The following POU6F2 variants were observed in gnomAD, a reference collection of about 807,000 sequenced individuals.
POU6F2 encodes POU class 6 homeobox 2.
POU6F2 carries 31 observed loss-of-function variants against 71.3 expected under a neutral mutation model. That is an observed-to-expected ratio of 0.43 (90% CI 0.33 to 0.59). The LOEUF is 0.59. Among genes scored for constraint, POU6F2 ranks in the 20% least tolerant of loss-of-function variants. POU6F2 has a pLI of 0.04. For missense variants in POU6F2, 783 were observed against 856.8 expected (o/e 0.91, Z 1.07); for synonymous variants, 347 against 355.7 (o/e 0.98, Z 0.27).
chr7:39,155,414 G>A (rs1792849555), intron 2 of POU6F2, among the ~76,000 whole-genome samples: 1 of 152,086 alleles, frequency 6.6e-6, no homozygotes, highest in Non-Finnish European at 1.5e-5. Context: ...CCAAACTTGT[G>A]TGAAAATTGT....
intron 1 of POU6F2, among the ~76,000 whole-genome samples, chr7:39,023,134 A>G (rs949092435): frequency 6.6e-6 from 1 of 152,044 alleles, no homozygotes; most frequent in Non-Finnish European, 1.5e-5. Context: ...GATACTTTGT[A>G]TATCTGTGTT....
intron 2 of POU6F2, among the ~76,000 whole-genome samples, chr7:39,118,392 A>G (rs961691489): frequency 2.0e-5 from 3 of 152,174 alleles, no homozygotes; most frequent in Non-Finnish European, 4.4e-5. Flanking sequence ...GAAGCAATGT[A>G]TACAGCAACA....
chr7:39,365,974 C>A (rs1439563381), intron 5 of POU6F2, among the ~76,000 whole-genome samples: 2 of 152,138 alleles, frequency 1.3e-5, no homozygotes, highest in Admixed American at 1.3e-4. Context: ...AGGCACAGAG[C>A]AGGTGCAAAG....
chr7:39,240,009 G>A (rs1052928557), intron 4 of POU6F2, among the ~76,000 whole-genome samples: 12 of 152,116 alleles, frequency 7.9e-5, no homozygotes, highest in Admixed American at 3.3e-4. Context: ...ATGAGAAACT[G>A]CTAAGTATTC....
chr7:39,200,499 T>C (rs1038086876), intron 2 of POU6F2, among the ~76,000 whole-genome samples: 2 of 152,222 alleles, frequency 1.3e-5, no homozygotes, highest in Admixed American at 6.5e-5. Context: ...AACATCTTGC[T>C]TTGTAGGCTC....
intron 2 of POU6F2, among the ~76,000 whole-genome samples, chr7:39,093,255 A>G (rs190098477): frequency 1.4e-4 from 22 of 152,242 alleles, no homozygotes; most frequent in Non-Finnish European, 3.2e-4. Flanking sequence ...GAAAATGATC[A>G]GATTATAATT....
intron 3 of POU6F2, among the ~76,000 whole-genome samples, chr7:39,204,555 A>G (rs1793967928): frequency 7.9e-6 from 1 of 127,272 alleles, no homozygotes; most frequent in South Asian, 3.3e-4. Context: ...GGCTTTAATC[A>G]TGTGGAAACA....
At chr7:39,301,233 A>G (rs970074961) in intron 4 of POU6F2, among the ~76,000 whole-genome samples, 1 of 152,186 alleles carries the variant, frequency 6.6e-6, no homozygotes, top group Non-Finnish European at 1.5e-5. Context: ...TTCCAGCATC[A>G]GGAAGAAATG....
At chr7:39,254,839 T>A (rs1247556437) in intron 4 of POU6F2, among the ~76,000 whole-genome samples, 3 of 152,328 alleles carry the variant, frequency 2.0e-5, no homozygotes, top group Non-Finnish European at 4.4e-5. Context: ...AGGATTAATT[T>A]TGAGCTGAAG....
In POU6F2 at chr7:39,464,882, G is replaced by A; in HGVS notation, c.*196G>A. Reference sequence around the variant, plus strand: ...TACATGTCCGTTGGTTTTCCAAAAAGGAAAGAAGAAAATTTTTAGAAAATT... The same window carrying A: ...TACATGTCCGTTGGTTTTCCAAAAAAGAAAGAAGAAAATTTTTAGAAAATT... On this transcript the variant is annotated 3_prime_UTR_variant, in exon 10 of 10. Transcript: ENST00000518318. The surrounding 1 kb of genome is among the most constrained non-coding windows in gnomAD (Gnocchi z 4.1). 1.3e-6 allele frequency: 1 copy of A among 747,406 alleles called. No homozygotes were observed. Among genetic ancestry groups the A allele is most frequent in the Non-Finnish European group, 2.0e-6 (1 of 487,982 alleles). 46.3% of individuals were successfully genotyped at this position (747,406 alleles called of 1,614,324 possible).
intron 1 of POU6F2, among the ~76,000 whole-genome samples, 198 bp downstream of exon 1, chr7:38,978,256 C>T (rs369384896): frequency 6.6e-6 from 1 of 152,148 alleles, no homozygotes; most frequent in Non-Finnish European, 1.5e-5. Flanking sequence ...CAATGCGATC[C>T]TTTTAAACAA....
intron 8 of POU6F2, among the ~76,000 whole-genome samples, chr7:39,458,138 A>G (rs539510839): frequency 7.9e-5 from 12 of 151,792 alleles, no homozygotes; most frequent in East Asian, 5.8e-4. Flanking sequence ...CTCAGAACCA[A>G]TATCAGCCTC....
At chr7:39,088,603 A>G (rs73373267) in intron 2 of POU6F2, among the ~76,000 whole-genome samples, 2,747 of 152,250 alleles carry the variant, frequency 0.018, 73 homozygotes, top group African/African-American at 0.063. Context: ...TTTCTTTCTC[A>G]AACTGTCATT....
intron 4 of POU6F2, among the ~76,000 whole-genome samples, chr7:39,282,988 A>T (rs1051129249): frequency 6.6e-6 from 1 of 151,962 alleles, no homozygotes; most frequent in South Asian, 2.1e-4. Context: ...CATTGTAGAG[A>T]TCTTTCAACT....
intron 1 of POU6F2, among the ~76,000 whole-genome samples, chr7:39,016,715 G>A (rs932239879): frequency 2.0e-5 from 3 of 152,180 alleles, no homozygotes; most frequent in East Asian, 1.9e-4. Flanking sequence ...TCATCAGTGA[G>A]TATATCAGGG....
At chr7:39,037,232 C>T (rs1207519225) in intron 1 of POU6F2, among the ~76,000 whole-genome samples, 1 of 151,938 alleles carries the variant, frequency 6.6e-6, no homozygotes, top group Non-Finnish European at 1.5e-5. Flanking sequence ...CTGAATGTGC[C>T]ACCCTGAAAA....
In POU6F2 at chr7:39,348,103, A is replaced by G. The variant is rs988133014; in HGVS notation, c.972+8088A>G. Among the ~76,000 whole-genome samples the G allele has an allele frequency of 4.8e-5, 7 of 144,478 alleles. 1 individual carries two copies. The highest frequency in any genetic ancestry group is 2.9e-4 in the Admixed American group (4 of 13,732). 94.8% of individuals were successfully genotyped at this position (144,478 alleles called of 152,430 possible). A position where few individuals can be genotyped will look rare whatever the true frequency, so the allele number is the denominator to read the frequency against. On this transcript the variant is annotated intron_variant, in intron 5 of 9. Coordinates refer to ENST00000518318, the MANE Select transcript of POU6F2 (RefSeq NM_001370959.1). Reference sequence around the variant, plus strand: ...ACAGTTGTTACATCTAAAACTTTCAATATATGAACTATACATAATAAACTC... The same window carrying G: ...ACAGTTGTTACATCTAAAACTTTCAGTATATGAACTATACATAATAAACTC...
At chr7:39,307,587 A>G (rs748325413) in intron 4 of POU6F2, among the ~76,000 whole-genome samples, 1 of 152,216 alleles carries the variant, frequency 6.6e-6, no homozygotes, top group African/African-American at 2.4e-5. Context: ...CATTCTTACA[A>G]AAGTTTCTTA....
chr7:39,353,794 C>G (rs1460358732), intron 5 of POU6F2, among the ~76,000 whole-genome samples: 1 of 152,136 alleles, frequency 6.6e-6, no homozygotes, highest in Admixed American at 6.5e-5. Flanking sequence ...GGATTTGACT[C>G]GGAAAGTCTG....
Sources: allele counts gnomAD v4.1 joint callset (sites outside exome capture counted in the v4.1 genomes callset), GRCh38; gene constraint gnomAD v4.1.1; non-coding constraint Gnocchi (gnomAD v3.1); transcripts MANE v1.5; gene names NCBI Gene and HGNC (gene_info 2026-07-23, HGNC 2026-07-21).